Variants in SMC6 observed in about 807,000 individuals in gnomAD.
SMC6 encodes structural maintenance of chromosomes 6.
A neutral mutation model predicts 142.2 loss-of-function variants in SMC6; 79 were observed. The observed-to-expected ratio is 0.56, with a 90% CI of 0.46 to 0.67. The LOEUF (loss-of-function observed/expected upper bound fraction) is 0.67, where lower values mean the gene tolerates loss of function less well. SMC6 is among the 30% of genes least tolerant of loss of function. The probability of loss-of-function intolerance (pLI) is 0.00; values close to 1 mark genes in which losing one functional copy is unlikely to be tolerated. For missense variants in SMC6, 1,072 were observed against 1,284.0 expected (o/e 0.83, Z 2.52); for synonymous variants, 411 against 412.4 (o/e 1.00, Z 0.04).
intron 25 of SMC6, among the ~76,000 whole-genome samples, chr2:17,675,630 A>G (rs560218370): frequency 2.0e-5 from 3 of 152,118 alleles, no homozygotes; most frequent in East Asian, 1.9e-4. Flanking sequence ...TGAATTCTAG[A>G]TATCAGTTTT....
intron 23 of SMC6, among the ~76,000 whole-genome samples, chr2:17,692,874 C>T (rs908820870): frequency 2.0e-5 from 3 of 152,300 alleles, no homozygotes; most frequent in South Asian, 2.1e-4. Flanking sequence ...AAACAAACAA[C>T]CCCATCAACA....
At chr2:17,736,051 A>C (rs1390699866) in intron 5 of SMC6, among the ~76,000 whole-genome samples, 1 of 152,222 alleles carries the variant, frequency 6.6e-6, no homozygotes, top group East Asian at 1.9e-4. Flanking sequence ...TAAAAACCTC[A>C]ACAAGCTGAT....
intron 2 of SMC6, among the ~76,000 whole-genome samples, chr2:17,749,505 T>C (rs1670916357): frequency 6.6e-6 from 1 of 152,086 alleles, no homozygotes; most frequent in African/African-American, 2.4e-5. Flanking sequence ...CTGGCCAATA[T>C]GGTGAAACCC....
At chr2:17,696,252 C>A (rs1313563613) in intron 22 of SMC6, 37 bp downstream of exon 22, 1 of 1,572,276 alleles carries the variant, frequency 6.4e-7, no homozygotes, top group East Asian at 2.3e-5. Context: ...ATGGCTAAGG[C>A]TGAAAACAAA....
In SMC6 at chr2:17,733,339, T is replaced by C. The variant is rs189303128; in HGVS notation, c.345-1462A>G. Among the ~76,000 whole-genome samples the C allele has an allele frequency of 3.9e-5, 6 of 152,320 alleles. No individual in the cohort carries two copies. In the East Asian group the frequency reaches 1.2e-3, roughly 29 times the overall value. On this transcript the variant is annotated intron_variant, in intron 5 of 27. Coordinates refer to ENST00000448223, the MANE Select transcript of SMC6 (RefSeq NM_001142286.2). Reference sequence around the variant, plus strand: ...CGATATAATTTTCCATCCCATCCTCTTGGGATTGAGCTAAATATAGAAATT... The same window carrying C: ...CGATATAATTTTCCATCCCATCCTCCTGGGATTGAGCTAAATATAGAAATT...
chr2:17,696,447 TAA>T (rs1667990532), intron 21 of SMC6, 21 bp from the exon 22 acceptor site: 1 of 1,591,212 alleles, frequency 6.3e-7, no homozygotes, highest in African/African-American at 1.4e-5. Flanking sequence ...AAAGCCAGAA[TAA>T]AAGATTGTTT....
intron 20 of SMC6, among the ~76,000 whole-genome samples, chr2:17,701,063 TAATAATAC>T (rs1558345228): frequency 1.7e-4 from 22 of 133,086 alleles, no homozygotes; most frequent in African/African-American, 7.4e-4. Context: ...ATAATAATAA[TAATAATAC>T]AAAAATTTAG....
chr2:17,729,498 GC>G (rs1379117309), intron 7 of SMC6, among the ~76,000 whole-genome samples: 2 of 152,132 alleles, frequency 1.3e-5, no homozygotes, highest in African/African-American at 4.8e-5. Context: ...GAAGGAAGAA[GC>G]CTTGGACAGA....
At chr2:17,733,640 C>T (rs949186866) in intron 5 of SMC6, among the ~76,000 whole-genome samples, 6 of 152,118 alleles carry the variant, frequency 3.9e-5, no homozygotes, top group Non-Finnish European at 7.4e-5. Context: ...ATGATGAAGT[C>T]GAGAGATGGT....
intron 18 of SMC6, among the ~76,000 whole-genome samples, chr2:17,706,598 AT>A (rs1407363763): frequency 6.6e-6 from 1 of 151,884 alleles, no homozygotes; most frequent in Non-Finnish European, 1.5e-5. Context: ...TAAGTCATTA[AT>A]TCAGGCCCAA....
chr2:17,745,989 G>T lies in SMC6; in HGVS notation c.-5-38C>A, dbSNP rs770707041. 7 of 1,530,362 alleles carry T rather than the reference G, an allele frequency of 4.6e-6. No individual in the cohort carries two copies. In the East Asian group the frequency reaches 1.4e-4, roughly 31 times the overall value. The allele number at this position is 1,530,362 out of a possible 1,614,324, so 94.8% of individuals were successfully genotyped here. On this transcript the variant is annotated intron_variant, in intron 2 of 27. Transcript: ENST00000448223. Reference sequence around the variant, plus strand: ...TTATAGTAACAATGAGGTAAATCAAGTTCCATATATATTAAACTCAACAAA... The same window carrying T: ...TTATAGTAACAATGAGGTAAATCAATTTCCATATATATTAAACTCAACAAA...
At chr2:17,712,946 T>C (rs1403780475) in intron 16 of SMC6, among the ~76,000 whole-genome samples, 1 of 152,234 alleles carries the variant, frequency 6.6e-6, no homozygotes, top group Non-Finnish European at 1.5e-5. Flanking sequence ...AGCCAAAACA[T>C]GGACTTTGTC....
chr2:17,709,588 T>C (rs1255397697), intron 16 of SMC6, among the ~76,000 whole-genome samples: 1 of 152,206 alleles, frequency 6.6e-6, no homozygotes, highest in African/African-American at 2.4e-5. Context: ...TATTCATCCA[T>C]TAATTCAACA....
intron 26 of SMC6, among the ~76,000 whole-genome samples, chr2:17,668,727 AG>A (rs1666618393): frequency 6.6e-6 from 1 of 152,176 alleles, no homozygotes; most frequent in South Asian, 2.1e-4. Context: ...AAAGATGAGT[AG>A]AGTGACATGT....
At chr2:17,691,756 G>C (rs1667742826) in intron 23 of SMC6, among the ~76,000 whole-genome samples, 1 of 152,072 alleles carries the variant, frequency 6.6e-6, no homozygotes, top group Non-Finnish European at 1.5e-5. Flanking sequence ...ATTCAATTAG[G>C]AAAAGAGGAA....
intron 2 of SMC6, among the ~76,000 whole-genome samples, chr2:17,749,881 G>A (rs973520333): frequency 6.6e-6 from 1 of 152,086 alleles, no homozygotes; most frequent in African/African-American, 2.4e-5. Context: ...ATAAAAAAGT[G>A]TTATCATTTT....
At chr2:17,744,598 A>G (rs1173446128) in intron 3 of SMC6, among the ~76,000 whole-genome samples, 1 of 152,170 alleles carries the variant, frequency 6.6e-6, no homozygotes, top group Admixed American at 6.5e-5. Flanking sequence ...TTGCAATGCT[A>G]GATTTTCTAG....
rs113070853 is a variant in SMC6, at chr2:17,717,947, T to C, written c.1092+130A>G. On this transcript the variant is annotated intron_variant, in intron 12 of 27. Coordinates refer to ENST00000448223, the MANE Select transcript of SMC6 (RefSeq NM_001142286.2). The stretch of plus-strand genomic sequence containing the variant: ...GCTACAGTGAGCCGTGATGGCGCCA[T>C]AGCACTCCAGCCTGGGTGACAGAGC... 1.3e-3 allele frequency: 1,205 copies of C among 903,124 alleles called. 9 individuals are homozygous for C. In the African/African-American group the frequency reaches 0.017, roughly 13 times the overall value. The allele number at this position is 903,124 out of a possible 1,614,324, so 55.9% of individuals were successfully genotyped here.
At chr2:17,745,773 G>A in intron 3 of SMC6, 54 bp downstream of exon 3, 1 of 1,526,932 alleles carries the variant, frequency 6.5e-7, no homozygotes, top group East Asian at 2.3e-5. Flanking sequence ...GTGATATGAT[G>A]AATGTTACAA....
Sources: gnomAD v4.1 joint callset for allele counts (sites outside exome capture counted in the v4.1 genomes callset) on GRCh38, gnomAD v4.1.1 for gene constraint, MANE v1.5 for transcripts, NCBI Gene and HGNC (gene_info 2026-07-23, HGNC 2026-07-21) for gene names.